The following HDX variants were observed in gnomAD, a reference collection of about 807,000 sequenced individuals.
The protein encoded by HDX is highly divergent homeobox.
In HDX, 19 loss-of-function variants were observed where a neutral mutation model predicts 45.2. The ratio of observed to expected loss-of-function variants is 0.42; its 90% CI spans 0.29 to 0.62. The LOEUF is 0.62. HDX is among the 20% of genes least tolerant of loss of function. The pLI, the probability that HDX is intolerant of heterozygous loss-of-function variation, is 0.20. For missense variants in HDX, 532 were observed against 493.9 expected, an observed-to-expected ratio of 1.08 and a Z score of -0.73; for synonymous variants, 188 against 172.8, an observed-to-expected ratio of 1.09 and a Z score of -0.69.
chrX:84,459,003 A>G (rs2040174854), intron 4 of HDX, among the ~76,000 whole-genome samples: 3 of 112,436 alleles, frequency 2.7e-5, no homozygotes, highest in Admixed American at 9.4e-5. Flanking sequence ...AGTGTTTTAA[A>G]AATTCAGAAA....
intron 5 of HDX, among the ~76,000 whole-genome samples, chrX:84,398,021 G>A (rs897436028): frequency 8.2e-5 from 9 of 110,065 alleles, no homozygotes; most frequent in Non-Finnish European, 1.9e-5. Context: ...GACTGACTAG[G>A]TAGCTGGTGT....
At chrX:84,386,255 C>T (rs1296125443) in intron 5 of HDX, among the ~76,000 whole-genome samples, 1 of 111,255 alleles carries the variant, frequency 9.0e-6, no homozygotes, top group African/African-American at 3.3e-5. Context: ...ATTAGATTTA[C>T]TAGTATTTTC....
intron 1 of HDX, among the ~76,000 whole-genome samples, chrX:84,490,823 T>C (rs2040879511): frequency 9.0e-6 from 1 of 111,271 alleles, no homozygotes; most frequent in African/African-American, 3.3e-5. Flanking sequence ...AAATTCTAAG[T>C]TAACTTATTT....
In HDX at chrX:84,329,921, A is replaced by G. The variant is rs999887047; in HGVS notation, c.1825-3621T>C. On this transcript the variant is annotated intron_variant, in intron 9 of 10. Coordinates refer to ENST00000373177, the MANE Select transcript of HDX (RefSeq NM_001177479.2). ...TTTTTGTTAATGGCTTATTTCATTT[A>G]GCATAATGTTCTCCAATTCTCTCCA... 3.6e-5 allele frequency among the ~76,000 whole-genome samples: 4 copies of G among 111,563 alleles called. No individual in the cohort carries two copies. The Admixed American group carries it at 3.8e-4, about 11-fold the overall frequency.
intron 4 of HDX, among the ~76,000 whole-genome samples, chrX:84,459,258 C>G (rs2040183414): frequency 9.1e-6 from 1 of 110,069 alleles, no homozygotes; most frequent in Non-Finnish European, 1.9e-5. Context: ...CTGGCTAACA[C>G]AGTGAAACCC....
At chrX:84,325,631 A>C (rs1202066660) in intron 10 of HDX, among the ~76,000 whole-genome samples, 4 of 111,861 alleles carry the variant, frequency 3.6e-5, no homozygotes, top group African/African-American at 1.3e-4. Flanking sequence ...TCAAAAATTC[A>C]AATACTCAAA....
intron 5 of HDX, among the ~76,000 whole-genome samples, chrX:84,428,143 G>A (rs769035359): frequency 5.5e-5 from 6 of 109,781 alleles, no homozygotes; most frequent in African/African-American, 2.0e-4. Context: ...TTCCCTTATC[G>A]AGTTTTGAGT....
intron 4 of HDX, among the ~76,000 whole-genome samples, chrX:84,462,103 A>T (rs1387659668): frequency 8.9e-6 from 1 of 112,087 alleles, no homozygotes; most frequent in Non-Finnish European, 1.9e-5. Context: ...TATGGAGAAG[A>T]GTTGGAGGTT....
chrX:84,445,265 G>A (rs1212659151), intron 4 of HDX, among the ~76,000 whole-genome samples: 1 of 111,626 alleles, frequency 9.0e-6, no homozygotes, highest in Non-Finnish European at 1.9e-5. Context: ...AATGGTATTT[G>A]ATTAAATGAA....
At chrX:84,418,014 A>G (rs935429324) in intron 5 of HDX, among the ~76,000 whole-genome samples, 6 of 112,074 alleles carry the variant, frequency 5.4e-5, no homozygotes, top group African/African-American at 1.9e-4. Context: ...AGAAAACACT[A>G]TATTATGGGT....
At chrX:84,413,952 G>A (rs888013276) in intron 5 of HDX, among the ~76,000 whole-genome samples, 1 of 111,449 alleles carries the variant, frequency 9.0e-6, no homozygotes, top group Non-Finnish European at 1.9e-5. Context: ...ATATGATAAA[G>A]TAATATAATA....
Position 84,452,746 on chromosome X carries a change from A to T in HDX, c.1252-12161T>A, listed in dbSNP as rs181167503. ...AGAGAAATGATGCCCTCTTCAATAA[A>T]TGCTACTAGGAAGATTGCATATCCA... On this transcript the variant is annotated intron_variant, in intron 4 of 10. Coordinates refer to ENST00000373177, the MANE Select transcript of HDX (RefSeq NM_001177479.2). 3.2e-3 allele frequency among the ~76,000 whole-genome samples: 361 copies of T among 111,843 alleles called. 4 individuals are homozygous for T. Among genetic ancestry groups the T allele is most frequent in the Non-Finnish European group, 4.5e-3 (239 of 53,083 alleles).
chrX:84,478,792 G>A (rs2040609404), intron 2 of HDX, among the ~76,000 whole-genome samples: 1 of 110,869 alleles, frequency 9.0e-6, no homozygotes, highest in East Asian at 2.8e-4. Context: ...CCAGGAGTTC[G>A]AGGTTACAGT....
At chrX:84,362,491 A>C (rs1209192490) in intron 5 of HDX, among the ~76,000 whole-genome samples, 1 of 110,344 alleles carries the variant, frequency 9.1e-6, no homozygotes, top group East Asian at 2.8e-4. Flanking sequence ...TGGTGGAAAA[A>C]TCTAAACACA....
intron 2 of HDX, among the ~76,000 whole-genome samples, chrX:84,486,216 A>G (rs139548535): frequency 0.027 from 2,962 of 111,008 alleles, 35 homozygotes; most frequent in Non-Finnish European, 0.04. Flanking sequence ...CAATGTACAT[A>G]TCTATTTTTT....
chrX:84,413,834 A>C (rs1324335237), intron 5 of HDX, among the ~76,000 whole-genome samples: 2 of 111,747 alleles, frequency 1.8e-5, no homozygotes, highest in African/African-American at 3.2e-5. Context: ...TGTTATTAGC[A>C]GAACTGAAAA....
chrX:84,499,589 A>G (rs1249830269), intron 1 of HDX, among the ~76,000 whole-genome samples: 2 of 112,060 alleles, frequency 1.8e-5, no homozygotes, highest in African/African-American at 6.5e-5. Flanking sequence ...AATAACATTC[A>G]TGGTTCACTT....
At chrX:84,385,284 G>A (rs1471508338) in intron 5 of HDX, among the ~76,000 whole-genome samples, 1 of 78,923 alleles carries the variant, frequency 1.3e-5, no homozygotes, top group Non-Finnish European at 2.2e-5. Context: ...CGGGATCTCG[G>A]CTCACTGCAA....
rs145490000 is a variant in HDX, at chrX:84,460,873, T to G, written c.1251+7599A>C. Reference sequence around the variant, plus strand: ...AGAATATAAATTCAACATACAAAAATCTGTAGCATTTCTAAATGCTAACAG... The same window carrying G: ...AGAATATAAATTCAACATACAAAAAGCTGTAGCATTTCTAAATGCTAACAG... On this transcript the variant is annotated intron_variant, in intron 4 of 10. Transcript: ENST00000373177. 7.4e-3 allele frequency among the ~76,000 whole-genome samples: 832 copies of G among 112,000 alleles called. 7 individuals are homozygous for G. The highest frequency in any genetic ancestry group is 0.025 in the African/African-American group (778 of 30,901).
Sources: allele counts gnomAD v4.1 joint callset (sites outside exome capture counted in the v4.1 genomes callset), GRCh38; gene constraint gnomAD v4.1.1; transcripts MANE v1.5; gene names NCBI Gene and HGNC (gene_info 2026-07-23, HGNC 2026-07-21).